The following ENTPD1 variants were observed in gnomAD, a reference collection of about 807,000 sequenced individuals.
ENTPD1 encodes ectonucleoside triphosphate diphosphohydrolase 1, also known as ATP diphosphohydrolase.
A neutral mutation model predicts 57.0 loss-of-function variants in ENTPD1; 33 were observed. The ratio of observed to expected loss-of-function variants is 0.58; its 90% CI spans 0.44 to 0.77. The LOEUF is 0.77. Among genes scored for constraint, ENTPD1 ranks in the 30% least tolerant of loss-of-function variants. The pLI, the probability that ENTPD1 is intolerant of heterozygous loss-of-function variation, is 0.00. For synonymous variants in ENTPD1, 202 were observed against 218.8 expected (o/e 0.92, Z 0.68); for missense variants, 501 against 603.4 (o/e 0.83, Z 1.78).
rs374649772 is a variant in ENTPD1 at position 95,791,929 on chromosome 10, A to G, written c.17-31308A>G. Among the ~76,000 whole-genome samples the G allele has an allele frequency of 2.6e-5, 4 of 152,174 alleles. No individual in the cohort carries two copies. Among genetic ancestry groups the G allele is most frequent in the African/African-American group, 9.7e-5 (4 of 41,440 alleles). ...CATGGGGGGTATTTTAGAAGTCAGC[A>G]TGGTGGAAAACCTGAAGATGACAGT... is the stretch of plus-strand genomic sequence containing the variant. On this transcript the variant is annotated intron_variant, in intron 1 of 9. Transcript: ENST00000371205. The surrounding 1 kb of genome is among the most constrained non-coding windows in gnomAD (Gnocchi z 4.1).
chr10:95,712,103 T>A, intron 1 of ENTPD1: 1 of 1,509,332 alleles, frequency 6.6e-7, no homozygotes, highest in Admixed American at 1.8e-5. Context: ...AAACCTTGAT[T>A]AATGAGAAAA....
intron 7 of ENTPD1, among the ~76,000 whole-genome samples, chr10:95,858,124 T>A (rs964163160): frequency 6.9e-6 from 1 of 144,534 alleles, no homozygotes; most frequent in African/African-American, 2.6e-5. Context: ...GCCACTGCAC[T>A]CCAGCCTGGG....
the ENTPD1 span, among the ~76,000 whole-genome samples, chr10:95,703,310 T>C: frequency 6.6e-6 from 1 of 152,140 alleles, no homozygotes; most frequent in Non-Finnish European, 1.5e-5. Context: ...CTCAGACGGA[T>C]GCATGGAAAT....
At chr10:95,843,608 T>C (rs2098426922) in intron 4 of ENTPD1, among the ~76,000 whole-genome samples, 1 of 152,152 alleles carries the variant, frequency 6.6e-6, no homozygotes, top group South Asian at 2.1e-4. Flanking sequence ...AGGGTCCAGG[T>C]CACAAAGTGC....
chr10:95,699,195 A>T, the ENTPD1 span, among the ~76,000 whole-genome samples: 1 of 152,006 alleles, frequency 6.6e-6, no homozygotes, highest in Non-Finnish European at 1.5e-5. Flanking sequence ...AAAAAAATTT[A>T]AAAAGGACAA....
At chr10:95,864,943 GGA>G (rs1016826711) in intron 9 of ENTPD1, 82 bp downstream of exon 9, 1 of 1,509,834 alleles carries the variant, frequency 6.6e-7, no homozygotes, top group African/African-American at 1.4e-5. Context: ...GAAAAAGGGG[GGA>G]GTCAGCATGG....
chr10:95,709,888 C>T (rs995905059), upstream of ENTPD1, among the ~76,000 whole-genome samples: 4 of 151,588 alleles, frequency 2.6e-5, no homozygotes, highest in Admixed American at 1.3e-4. Context: ...GCCTTAGCCC[C>T]GGCCCCCCCC....
At chr10:95,762,801 A>C (rs937546079) in intron 1 of ENTPD1, among the ~76,000 whole-genome samples, 11 of 152,168 alleles carry the variant, frequency 7.2e-5, no homozygotes, top group Admixed American at 2.0e-4. Context: ...TGGGCCCTTC[A>C]TGCTCTCAAA....
chr10:95,849,820 G>C (rs2098441752), intron 7 of ENTPD1, among the ~76,000 whole-genome samples: 1 of 152,216 alleles, frequency 6.6e-6, no homozygotes, highest in Non-Finnish European at 1.5e-5. Flanking sequence ...CTTCACCTTG[G>C]ACTTTTTTTT....
chr10:95,699,090 G>T, the ENTPD1 span, among the ~76,000 whole-genome samples: 3 of 152,166 alleles, frequency 2.0e-5, no homozygotes, highest in South Asian at 2.1e-4. Context: ...CAGGAGGATC[G>T]CTTGAGCCAG....
At chr10:95,755,709 G>A, upstream of ENTPD1, 1 of 1,537,248 alleles carries the variant, frequency 6.5e-7, no homozygotes, top group Non-Finnish European at 8.7e-7. Flanking sequence ...TGGGACCAGA[G>A]GCTTTATGGG....
chr10:95,701,041 G>A, the ENTPD1 span, among the ~76,000 whole-genome samples: 108 of 152,260 alleles, frequency 7.1e-4, no homozygotes, highest in East Asian at 9.6e-4. Flanking sequence ...TGATCTGCCC[G>A]CCTCAGCCTC....
At chr10:95,844,718 C>T in intron 5 of ENTPD1, 83 bp downstream of exon 5, 1 of 1,498,226 alleles carries the variant, frequency 6.7e-7, no homozygotes, top group Non-Finnish European at 9.3e-7. Flanking sequence ...GGTCGCTAGC[C>T]AGAATGAATG....
At chr10:95,749,313 C>A (rs920810635) in intron 1 of ENTPD1, among the ~76,000 whole-genome samples, 5 of 152,172 alleles carry the variant, frequency 3.3e-5, no homozygotes, top group Non-Finnish European at 7.3e-5. Context: ...TTCATAGGGT[C>A]ATTATGACTA....
intron 2 of ENTPD1, 24 bp downstream of exon 2, chr10:95,823,388 T>G (rs560634896): frequency 6.2e-7 from 1 of 1,613,408 alleles, no homozygotes; most frequent in East Asian, 2.2e-5. Context: ...ATCTGTGTGT[T>G]TGTGTGTATG....
At chr10:95,733,987 G>T (rs557077283) in intron 1 of ENTPD1, among the ~76,000 whole-genome samples, 3 of 152,298 alleles carry the variant, frequency 2.0e-5, no homozygotes, top group Admixed American at 1.3e-4. Context: ...GGGGACTCTT[G>T]CCTGTTCTGT....
intron 9 of ENTPD1, 90 bp downstream of exon 9, chr10:95,864,951 C>A: frequency 1.4e-6 from 2 of 1,464,302 alleles, no homozygotes; most frequent in South Asian, 1.2e-5. Context: ...GGGGAGTCAG[C>A]ATGGTGTAGC....
intron 1 of ENTPD1, among the ~76,000 whole-genome samples, chr10:95,801,121 T>C (rs1168244881): frequency 6.6e-6 from 1 of 152,232 alleles, no homozygotes; most frequent in Non-Finnish European, 1.5e-5. Flanking sequence ...CAATTTATTT[T>C]CTTCTGCCTT....
chr10:95,819,671 T>C (rs2098342096), intron 1 of ENTPD1, among the ~76,000 whole-genome samples: 1 of 152,130 alleles, frequency 6.6e-6, no homozygotes, highest in Non-Finnish European at 1.5e-5. Flanking sequence ...CTCTGTCAGG[T>C]GAAGAGTTGA....
Sources: allele counts gnomAD v4.1 joint callset (sites outside exome capture counted in the v4.1 genomes callset), GRCh38; gene constraint gnomAD v4.1.1; non-coding constraint Gnocchi (gnomAD v3.1); transcripts MANE v1.5; gene names NCBI Gene and HGNC (gene_info 2026-07-23, HGNC 2026-07-21).